The following EPS15L1 variants were observed in gnomAD, a reference collection of about 807,000 sequenced individuals.
EPS15L1 encodes epidermal growth factor receptor substrate 15-like 1.
A neutral mutation model predicts 117.1 loss-of-function variants in EPS15L1; 43 were observed. The observed-to-expected ratio is 0.37, with a 90% confidence interval of 0.29 to 0.47. The LOEUF is 0.47. EPS15L1 is among the 20% of genes least tolerant of loss of function. The pLI, the probability that EPS15L1 is intolerant of heterozygous loss-of-function variation, is 0.99. For missense variants in EPS15L1, 981 were observed against 1,164.0 expected (o/e 0.84, Z 2.29); for synonymous variants, 459 against 470.5 (o/e 0.98, Z 0.32).
In EPS15L1 at chr19:16,428,840, T is replaced by C. The variant is rs2092903184; in HGVS notation, c.499-79A>G. 3 of 1,161,980 alleles carry C rather than the reference T, an allele frequency of 2.6e-6. No homozygotes were observed. The Admixed American group carries it at 5.9e-5, about 23-fold the overall frequency. The allele number at this position is 1,161,980 out of a possible 1,614,324, so 72.0% of individuals were successfully genotyped here. ...TGAGACCACCTGCCGGAACTCAGAC[T>C]CTCAGCCGTGGCACTCACTGGGCTC... On this transcript the variant is annotated intron_variant, in intron 7 of 23. Transcript: ENST00000455140.
intron 9 of EPS15L1, 115 bp downstream of exon 9, chr19:16,424,968 T>C (rs1017596370): frequency 9.9e-7 from 1 of 1,010,576 alleles, no homozygotes; most frequent in Non-Finnish European, 1.5e-6. Context: ...GCCACAAGCA[T>C]TTTTTAAAGA....
chr19:16,361,657 G>C, intron 23 of EPS15L1, 122 bp downstream of exon 23: 1 of 1,442,248 alleles, frequency 6.9e-7, no homozygotes, highest in South Asian at 1.5e-5. Context: ...GAGGGACAGA[G>C]AGTGTGAGGT....
Position 16,434,514 on chromosome 19 carries a change from G to C in EPS15L1, c.373-24C>G, listed in dbSNP as rs745786905. 2.5e-6 allele frequency: 4 copies of C among 1,608,418 alleles called. No individual in the cohort carries two copies. In the Admixed American group the frequency reaches 6.7e-5, roughly 27 times the overall value. The stretch of plus-strand genomic sequence containing the variant: ...ACCTAGTTGGAAAGAAATAGCCCGA[G>C]TAAGTAGGAGAGCACACCTGTGTGA... On this transcript the variant is annotated intron_variant, in intron 6 of 23. Transcript: ENST00000455140.
chr19:16,466,948 C>T (rs756518941), intron 1 of EPS15L1, among the ~76,000 whole-genome samples: 111 of 151,354 alleles, frequency 7.3e-4, no homozygotes, highest in Non-Finnish European at 1.4e-3. Flanking sequence ...ATGCGTCACA[C>T]GGCAGGGTCC....
chr19:16,442,064 G>T (rs952639559), intron 2 of EPS15L1, 83 bp from the exon 3 acceptor site: 1 of 1,475,416 alleles, frequency 6.8e-7, no homozygotes, highest in Non-Finnish European at 9.4e-7. Context: ...CTAACTATCC[G>T]CTGACAGTGA....
intron 13 of EPS15L1, 160 bp downstream of exon 13, chr19:16,413,613 G>GA (rs376439335): frequency 0.27 from 147,919 of 541,868 alleles, 20 homozygotes; most frequent in South Asian, 0.34. Flanking sequence ...AATTCAGCCT[G>GA]AAAAAAAAAA....
Position 16,370,354 on chromosome 19 carries a change from A to T in EPS15L1, c.2380+6768T>A, listed in dbSNP as rs2092204470. Reference sequence around the variant, plus strand: ...AGGCGGTGCCCAGAGCTGCACCCAGAGCCCCCTTCTGAGGCGTCTGCCCCA... The same window carrying T: ...AGGCGGTGCCCAGAGCTGCACCCAGTGCCCCCTTCTGAGGCGTCTGCCCCA... On this transcript the variant is annotated intron_variant, in intron 22 of 23. Transcript: ENST00000455140. The surrounding 1 kb of genome is among the most constrained non-coding windows in gnomAD (Gnocchi z 5.2). 6.6e-6 allele frequency among the ~76,000 whole-genome samples: 1 copy of T among 152,120 alleles called. No homozygotes were observed. Among genetic ancestry groups the T allele is most frequent in the Non-Finnish European group, 1.5e-5 (1 of 68,012 alleles).
At chr19:16,390,532 CCAA>C (rs1398530292) in intron 19 of EPS15L1, among the ~76,000 whole-genome samples, 8 of 152,036 alleles carry the variant, frequency 5.3e-5, no homozygotes, top group Non-Finnish European at 1.0e-4. Flanking sequence ...AGCATTACAC[CCAA>C]CAACTAGATA....
chr19:16,467,627 G>A (rs560175402), intron 1 of EPS15L1, among the ~76,000 whole-genome samples: 6 of 152,178 alleles, frequency 3.9e-5, no homozygotes, highest in South Asian at 2.1e-4. Context: ...CTAAAACTTC[G>A]TTCTCATCAA....
At chr19:16,400,759 C>G in intron 16 of EPS15L1, 1 of 985,368 alleles carries the variant, frequency 1.0e-6, no homozygotes, top group Non-Finnish European at 1.2e-6. Flanking sequence ...TAACCTTTGC[C>G]CTGCCCAAAA....
chr19:16,403,235 C>CT (rs968049080), intron 15 of EPS15L1, among the ~76,000 whole-genome samples: 3 of 152,190 alleles, frequency 2.0e-5, no homozygotes, highest in African/African-American at 7.2e-5. Context: ...CCAGCGCCCC[C>CT]CCCTGGACTG....
intron 22 of EPS15L1, among the ~76,000 whole-genome samples, chr19:16,364,132 C>T (rs1016199838): frequency 6.6e-6 from 1 of 152,206 alleles, no homozygotes; most frequent in Non-Finnish European, 1.5e-5. Context: ...TATTAGGACT[C>T]ACATGGATGA....
chr19:16,389,922 G>C (rs377351934), intron 19 of EPS15L1, among the ~76,000 whole-genome samples: 1 of 151,880 alleles, frequency 6.6e-6, no homozygotes, highest in East Asian at 1.9e-4. Context: ...AAGGCCAATA[G>C]ACAGAATTCA....
At chr19:16,466,930 G>C (rs1389893899) in intron 1 of EPS15L1, among the ~76,000 whole-genome samples, 1 of 151,438 alleles carries the variant, frequency 6.6e-6, no homozygotes, top group African/African-American at 2.4e-5. Flanking sequence ...GGAAAGCACT[G>C]AGAGCACATG....
rs894929383 is a variant in EPS15L1, at chr19:16,471,666, G to A, written c.33+247C>T. On this transcript the variant is annotated intron_variant, in intron 1 of 23. Transcript: ENST00000455140. This position sits in a 1 kb window ranked among gnomAD's most constrained non-coding sequence, Gnocchi z 4.8. The stretch of plus-strand genomic sequence containing the variant: ...CAGCGGCGGCAGGGTCCGGGCCCTG[G>A]GCGGAGAGGACACGCGCTGCGCACC... Among the ~76,000 whole-genome samples the A allele has an allele frequency of 4.6e-5, 7 of 152,082 alleles. No individual in the cohort carries two copies. The highest frequency in any genetic ancestry group is 5.9e-5 in the Non-Finnish European group (4 of 67,976).
intron 1 of EPS15L1, among the ~76,000 whole-genome samples, chr19:16,442,794 C>T (rs969229142): frequency 6.6e-6 from 1 of 152,222 alleles, no homozygotes; most frequent in Non-Finnish European, 1.5e-5. Flanking sequence ...GAAGGAAGTG[C>T]AGTGTCCTCA....
intron 1 of EPS15L1, among the ~76,000 whole-genome samples, chr19:16,468,435 G>A (rs2093321774): frequency 1.3e-5 from 2 of 152,246 alleles, no homozygotes; most frequent in Admixed American, 6.5e-5. Flanking sequence ...AACCTCCGCC[G>A]CCTGGTTTCA....
intron 22 of EPS15L1, among the ~76,000 whole-genome samples, chr19:16,363,157 C>G (rs1367842408): frequency 1.3e-5 from 2 of 152,208 alleles, no homozygotes; most frequent in Non-Finnish European, 2.9e-5. Flanking sequence ...CGGGCTGACT[C>G]CATGCTCCTG....
intron 22 of EPS15L1, among the ~76,000 whole-genome samples, chr19:16,372,719 C>A (rs2092242187): frequency 6.6e-6 from 1 of 152,224 alleles, no homozygotes; most frequent in Non-Finnish European, 1.5e-5. Flanking sequence ...AGACCACATA[C>A]AGCACGTCAC....
Sources: allele counts gnomAD v4.1 joint callset (sites outside exome capture counted in the v4.1 genomes callset), GRCh38; gene constraint gnomAD v4.1.1; non-coding constraint Gnocchi (gnomAD v3.1); transcripts MANE v1.5; gene names NCBI Gene and HGNC (gene_info 2026-07-23, HGNC 2026-07-21).